The following DCPH1 variants were observed in gnomAD, a reference collection of about 807,000 sequenced individuals.
DCPH1 encodes the protein damage-control phosphatase 1.
At chr6:151,467,633 A>G in the DCPH1 span, among the ~76,000 whole-genome samples, 1 of 152,216 alleles carries the variant, frequency 6.6e-6, no homozygotes, top group Non-Finnish European at 1.5e-5. Flanking sequence ...GTTGATGATC[A>G]TAAACTGAAG....
the DCPH1 span, chr6:151,468,637 A>G: frequency 6.9e-5 from 112 of 1,613,872 alleles, no homozygotes; most frequent in Non-Finnish European, 9.2e-5. Flanking sequence ...TGGAAAAACA[A>G]TTCCATGGTT....
At chr6:151,454,449 A>C in the DCPH1 span, 1 of 681,160 alleles carries the variant, frequency 1.5e-6, no homozygotes, top group East Asian at 2.7e-5. Flanking sequence ...TAGTTGTATG[A>C]GGAGTTTAAT....
the DCPH1 span, chr6:151,468,984 A>G: frequency 1.2e-6 from 2 of 1,614,220 alleles, no homozygotes; most frequent in Admixed American, 1.7e-5. Context: ...TCTGTACCAT[A>G]AGAACATTAA....
At chr6:151,454,408 A>G in the DCPH1 span, 4 of 571,744 alleles carry the variant, frequency 7.0e-6, no homozygotes, top group Non-Finnish European at 1.2e-5. Flanking sequence ...GTCTTAATAT[A>G]GTAATCATAC....
chr6:151,465,133 G>A, the DCPH1 span, among the ~76,000 whole-genome samples: 1 of 152,218 alleles, frequency 6.6e-6, no homozygotes, highest in Non-Finnish European at 1.5e-5. Context: ...GTTAGCATCG[G>A]TAGGTGATAA....
the DCPH1 span, among the ~76,000 whole-genome samples, chr6:151,456,657 G>A: frequency 2.0e-5 from 3 of 152,010 alleles, no homozygotes; most frequent in African/African-American, 7.2e-5. Context: ...TGTTTTTCTT[G>A]TTGTTGTTTT....
chr6:151,469,200 G>A, the DCPH1 span: 3 of 1,078,704 alleles, frequency 2.8e-6, no homozygotes, highest in African/African-American at 3.2e-5. Context: ...GTCGCCTGGC[G>A]GCTCTGTACG....
At chr6:151,464,083 G>C in the DCPH1 span, among the ~76,000 whole-genome samples, 1 of 152,074 alleles carries the variant, frequency 6.6e-6, no homozygotes, top group Non-Finnish European at 1.5e-5. Context: ...TTTGTTACTG[G>C]AACTCTGCCA....
chr6:151,462,962 G>T, the DCPH1 span, among the ~76,000 whole-genome samples: 1 of 152,168 alleles, frequency 6.6e-6, no homozygotes, highest in Non-Finnish European at 1.5e-5. Context: ...TGTTGCAGCT[G>T]CCGAACCTGC....
At chr6:151,452,653 TA>T in the DCPH1 span, 1 of 1,483,858 alleles carries the variant, frequency 6.7e-7, no homozygotes, top group Non-Finnish European at 9.1e-7. Context: ...CTGTGGGGAC[TA>T]AGCGGAGGGC....
chr6:151,468,864 T>C, the DCPH1 span: 1 of 1,614,064 alleles, frequency 6.2e-7, no homozygotes, highest in South Asian at 1.1e-5. Flanking sequence ...AGAAGGCACA[T>C]TTAATTTTAT....
chr6:151,456,239 C>T, the DCPH1 span, among the ~76,000 whole-genome samples: 4 of 152,156 alleles, frequency 2.6e-5, no homozygotes, highest in Non-Finnish European at 5.9e-5. Context: ...CTTTCTATTA[C>T]ACAATAGACT....
the DCPH1 span, chr6:151,469,103 C>A: frequency 6.2e-7 from 1 of 1,604,748 alleles, no homozygotes. Flanking sequence ...TACGATGGTC[C>A]CCTTTGACTT....
the DCPH1 span, chr6:151,469,223 C>A: frequency 1.2e-6 from 1 of 842,354 alleles, no homozygotes; most frequent in Non-Finnish European, 1.8e-6. Flanking sequence ...CTCAGGGAAG[C>A]TTAGCTTCTT....
At chr6:151,461,941 A>G in the DCPH1 span, among the ~76,000 whole-genome samples, 5 of 152,218 alleles carry the variant, frequency 3.3e-5, no homozygotes, top group Non-Finnish European at 5.9e-5. Context: ...TGGAGCCAGC[A>G]CTGAAGTAAT....
At chr6:151,454,089 C>T in the DCPH1 span, among the ~76,000 whole-genome samples, 2 of 152,064 alleles carry the variant, frequency 1.3e-5, no homozygotes, top group African/African-American at 4.8e-5. Flanking sequence ...CTTAAAAGTA[C>T]CTTTAATTCT....
At chr6:151,468,153 A>G in the DCPH1 span, among the ~76,000 whole-genome samples, 4 of 152,348 alleles carry the variant, frequency 2.6e-5, no homozygotes, top group East Asian at 5.8e-4. Flanking sequence ...TTTCAGTTTT[A>G]TCTTGTTAAT....
At chr6:151,466,415 T>C in the DCPH1 span, among the ~76,000 whole-genome samples, 1 of 152,208 alleles carries the variant, frequency 6.6e-6, no homozygotes, top group Non-Finnish European at 1.5e-5. Flanking sequence ...AGAATGAGCA[T>C]GCATCTATTT....
At chr6:151,458,844 A>G in the DCPH1 span, among the ~76,000 whole-genome samples, 3 of 152,226 alleles carry the variant, frequency 2.0e-5, no homozygotes, top group Non-Finnish European at 2.9e-5. Context: ...GTAAATATCT[A>G]AAGTACGAAT....
Sources: allele counts gnomAD v4.1 joint callset (sites outside exome capture counted in the v4.1 genomes callset), GRCh38; gene constraint gnomAD v4.1.1; transcripts MANE v1.5; gene names NCBI Gene and HGNC (gene_info 2026-07-23, HGNC 2026-07-21).